The following ZBTB44 variants were observed in gnomAD, a reference collection of about 807,000 sequenced individuals.
ZBTB44 encodes zinc finger and BTB domain-containing protein 44.
Under a neutral mutation model 54.0 loss-of-function variants are expected in ZBTB44, and 15 were observed. The ratio of observed to expected loss-of-function variants is 0.28; its 90% CI spans 0.19 to 0.43. The LOEUF (loss-of-function observed/expected upper bound fraction) is 0.43, where lower values mean the gene tolerates loss of function less well. Among genes scored for constraint, ZBTB44 ranks in the 20% least tolerant of loss-of-function variants. The probability of loss-of-function intolerance (pLI) is 1.00; values close to 1 mark genes in which losing one functional copy is unlikely to be tolerated. For missense variants in ZBTB44, 487 were observed against 707.1 expected (o/e 0.69, Z 3.53); for synonymous variants, 230 against 250.1 (o/e 0.92, Z 0.76).
intron 1 of ZBTB44, among the ~76,000 whole-genome samples, chr11:130,264,334 G>GA (rs1939094610): frequency 6.6e-6 from 1 of 152,126 alleles, no homozygotes; most frequent in Non-Finnish European, 1.5e-5. Context: ...AGTGAAAGAA[G>GA]AAAGTTGGGG....
intron 1 of ZBTB44, among the ~76,000 whole-genome samples, chr11:130,313,935 T>C (rs1191819067): frequency 6.6e-5 from 6 of 90,914 alleles, no homozygotes; most frequent in Non-Finnish European, 1.3e-4. Context: ...TGTGTGTGTG[T>C]GTTTGTGTGT....
Position 130,250,980 on chromosome 11 carries a change from TAAC to T in ZBTB44, c.1018+9873_1018+9875del, listed in dbSNP as rs1937950338. On this transcript the variant is annotated intron_variant, in intron 2 of 7. Transcript: ENST00000357899. ...GAAGTAGGCTTCAGAAGGTCGGTAA[TAAC>T]AAACTCCTCTCCACTAACGGAGCAT... Among the ~76,000 whole-genome samples, 4 of 152,116 alleles carry T rather than the reference TAAC, an allele frequency of 2.6e-5. No homozygotes were observed. The South Asian group carries it at 8.3e-4, about 32-fold the overall frequency.
chr11:130,253,454 G>A (rs963370088), intron 2 of ZBTB44, among the ~76,000 whole-genome samples: 2 of 152,164 alleles, frequency 1.3e-5, no homozygotes, highest in African/African-American at 2.4e-5. Flanking sequence ...AATCATGAGT[G>A]AACTCCTGTT....
rs1039279868 is a variant in ZBTB44, at chr11:130,313,968, T to A, written c.-57+407A>T. Among the ~76,000 whole-genome samples, 63 of 150,420 alleles carry A rather than the reference T, an allele frequency of 4.2e-4. 1 individual carries two copies. Among genetic ancestry groups the A allele is most frequent in the Admixed American group, 1.2e-3 (18 of 15,114 alleles). On this transcript the variant is annotated intron_variant, in intron 1 of 7. Coordinates refer to ENST00000357899, the MANE Select transcript of ZBTB44 (RefSeq NM_001301098.2). Reference sequence around the variant, plus strand: ...TGTGTGTATATATATATATATATATTTTTTTAAAGAAGTGCCATCTTTTTC... The same window carrying A: ...TGTGTGTATATATATATATATATATATTTTTAAAGAAGTGCCATCTTTTTC...
chr11:130,235,258 A>G (rs1282672956), intron 5 of ZBTB44, among the ~76,000 whole-genome samples: 1 of 152,218 alleles, frequency 6.6e-6, no homozygotes, highest in African/African-American at 2.4e-5. Context: ...AAAAGTCTTC[A>G]TTCAGGTGTT....
chr11:130,252,440 T>C (rs768968373), intron 2 of ZBTB44, among the ~76,000 whole-genome samples: 4 of 152,146 alleles, frequency 2.6e-5, no homozygotes, highest in African/African-American at 4.8e-5. Flanking sequence ...TAGACAGCTA[T>C]AGAACTCTCC....
chr11:130,271,808 A>T (rs973893843), intron 1 of ZBTB44, among the ~76,000 whole-genome samples: 29 of 152,128 alleles, frequency 1.9e-4, no homozygotes, highest in African/African-American at 6.8e-4. Context: ...GTGTGGATGT[A>T]TGTTTTCAGT....
intron 1 of ZBTB44, among the ~76,000 whole-genome samples, chr11:130,281,247 C>T (rs1435647159): frequency 1.3e-5 from 2 of 152,072 alleles, no homozygotes; most frequent in African/African-American, 2.4e-5. Flanking sequence ...AGGCCGGGCG[C>T]GGTGGCTCAC....
At chr11:130,264,606 A>T (rs1939117428) in intron 1 of ZBTB44, among the ~76,000 whole-genome samples, 2 of 152,184 alleles carry the variant, frequency 1.3e-5, no homozygotes, top group Non-Finnish European at 2.9e-5. Flanking sequence ...TATGGTACGA[A>T]GTCTGATATA....
intron 1 of ZBTB44, among the ~76,000 whole-genome samples, chr11:130,309,661 G>A (rs530609981): frequency 1.3e-5 from 2 of 152,076 alleles, no homozygotes; most frequent in South Asian, 4.2e-4. Context: ...TCAGGAGGCC[G>A]AGGCAGGTGA....
At chr11:130,279,586 G>A (rs1940361751) in intron 1 of ZBTB44, among the ~76,000 whole-genome samples, 1 of 152,154 alleles carries the variant, frequency 6.6e-6, no homozygotes, top group African/African-American at 2.4e-5. Context: ...TCGAGTCCAG[G>A]AGGTGGAGGT....
intron 1 of ZBTB44, chr11:130,284,997 A>G (rs959256628): frequency 1.9e-5 from 3 of 154,732 alleles, no homozygotes; most frequent in African/African-American, 7.2e-5. Flanking sequence ...CCATATACAC[A>G]AAACGATCTG....
intron 1 of ZBTB44, among the ~76,000 whole-genome samples, chr11:130,302,803 T>C (rs989882393): frequency 6.6e-6 from 1 of 152,108 alleles, no homozygotes; most frequent in Non-Finnish European, 1.5e-5. Flanking sequence ...TGAAACCCCG[T>C]CTCTACTTAA....
At chr11:130,238,372 A>G (rs921064699) in intron 4 of ZBTB44, 72 bp downstream of exon 4, 1 of 1,415,140 alleles carries the variant, frequency 7.1e-7, no homozygotes, top group Non-Finnish European at 9.3e-7. Flanking sequence ...CCTGTTTTCT[A>G]TTTTAACTGG....
At chr11:130,294,403 C>G (rs1941501164) in intron 1 of ZBTB44, among the ~76,000 whole-genome samples, 1 of 151,584 alleles carries the variant, frequency 6.6e-6, no homozygotes, top group East Asian at 2.0e-4. Flanking sequence ...CAGAGAGAGA[C>G]TCTGTCTTAA....
At chr11:130,313,099 T>C (rs1942719702) in intron 1 of ZBTB44, among the ~76,000 whole-genome samples, 1 of 152,190 alleles carries the variant, frequency 6.6e-6, no homozygotes, top group African/African-American at 2.4e-5. Flanking sequence ...GTTAATAAAA[T>C]TGTACTTCTA....
intron 2 of ZBTB44, among the ~76,000 whole-genome samples, chr11:130,253,077 C>A (rs999333804): frequency 1.3e-5 from 2 of 152,046 alleles, no homozygotes; most frequent in African/African-American, 2.4e-5. Flanking sequence ...AATAATAAGA[C>A]CTATTTATGA....
intron 1 of ZBTB44, among the ~76,000 whole-genome samples, chr11:130,295,211 G>A (rs1335433520): frequency 6.6e-6 from 1 of 152,146 alleles, no homozygotes; most frequent in Non-Finnish European, 1.5e-5. Context: ...TGTGTCTGAA[G>A]AAACAATGAG....
At chr11:130,311,619 A>G (rs1942612192) in intron 1 of ZBTB44, among the ~76,000 whole-genome samples, 1 of 152,180 alleles carries the variant, frequency 6.6e-6, no homozygotes, top group Non-Finnish European at 1.5e-5. Context: ...ATCACTCTGA[A>G]CTCATGATTA....
Sources: allele counts gnomAD v4.1 joint callset (sites outside exome capture counted in the v4.1 genomes callset), GRCh38; gene constraint gnomAD v4.1.1; transcripts MANE v1.5; gene names NCBI Gene and HGNC (gene_info 2026-07-23, HGNC 2026-07-21).